LRRC4C: variants seen among roughly 807,000 people sequenced by gnomAD.
LRRC4C encodes the protein leucine rich repeat containing 4C.
LRRC4C carries 5 observed loss-of-function variants against 33.6 expected under a neutral mutation model. The observed-to-expected ratio is 0.15, with a 90% CI of 0.08 to 0.31. The LOEUF is 0.31. Ranked by LOEUF, LRRC4C falls within the 10% of genes least tolerant of loss-of-function variation. The probability of loss-of-function intolerance (pLI) is 1.00; values close to 1 mark genes in which losing one functional copy is unlikely to be tolerated. For synonymous variants in LRRC4C, 329 were observed against 302.0 expected, an observed-to-expected ratio of 1.09 and a Z score of -0.93; for missense variants, 560 against 796.7, an observed-to-expected ratio of 0.70 and a Z score of 3.58.
chr11:40,316,013 C>G (rs1945554889), intron 4 of LRRC4C, among the ~76,000 whole-genome samples: 3 of 151,956 alleles, frequency 2.0e-5, no homozygotes, highest in African/African-American at 7.3e-5. Context: ...GTTCTATTAG[C>G]AAGATCTCTA....
At chr11:40,717,635 A>C (rs1166437862) in intron 2 of LRRC4C, among the ~76,000 whole-genome samples, 1 of 152,090 alleles carries the variant, frequency 6.6e-6, no homozygotes, top group Non-Finnish European at 1.5e-5. Context: ...GGTACCAGTC[A>C]CTGCGCTGTA....
At chr11:40,759,358 G>C (rs1949090543) in intron 2 of LRRC4C, among the ~76,000 whole-genome samples, 2 of 150,494 alleles carry the variant, frequency 1.3e-5, no homozygotes, top group Non-Finnish European at 3.0e-5. Flanking sequence ...TTTTACCTCA[G>C]TGATAATTTA....
At chr11:40,829,419 A>G (rs1952309957) in intron 2 of LRRC4C, among the ~76,000 whole-genome samples, 1 of 151,962 alleles carries the variant, frequency 6.6e-6, no homozygotes. Context: ...GCAGAGCAAC[A>G]TATGGTTACA....
At chr11:41,456,549 A>T (rs890194989) in intron 1 of LRRC4C, among the ~76,000 whole-genome samples, 4 of 152,144 alleles carry the variant, frequency 2.6e-5, no homozygotes, top group Middle Eastern at 3.2e-3. Context: ...GAAAGGCCTG[A>T]CAAATGGAGA....
intron 1 of LRRC4C, among the ~76,000 whole-genome samples, chr11:41,208,877 CT>C (rs1339988259): frequency 6.6e-6 from 1 of 152,126 alleles, no homozygotes; most frequent in East Asian, 1.9e-4. Context: ...GCTCAGGGTC[CT>C]GGGGGTAGGG....
intron 1 of LRRC4C, among the ~76,000 whole-genome samples, chr11:41,254,060 T>C (rs921199501): frequency 6.6e-6 from 1 of 152,050 alleles, no homozygotes; most frequent in African/African-American, 2.4e-5. Context: ...ATATACGACC[T>C]AGTAAGATAT....
intron 2 of LRRC4C, among the ~76,000 whole-genome samples, chr11:40,724,795 TAACAA>T (rs903192262): frequency 6.6e-6 from 1 of 152,092 alleles, no homozygotes; most frequent in Admixed American, 6.5e-5. Flanking sequence ...TGCAAAGAAC[TAACAA>T]AACAAAAGTT....
chr11:41,174,498 A>G (rs1475894947), intron 1 of LRRC4C, among the ~76,000 whole-genome samples: 1 of 152,084 alleles, frequency 6.6e-6, no homozygotes, highest in Admixed American at 6.5e-5. Context: ...AATATAAGTC[A>G]TATTTTGGAC....
At chr11:40,369,414 G>A (rs749577459) in intron 3 of LRRC4C, among the ~76,000 whole-genome samples, 35 of 152,074 alleles carry the variant, frequency 2.3e-4, no homozygotes, top group African/African-American at 3.4e-4. Flanking sequence ...GCGCGATCTC[G>A]GAATCACCGC....
intron 5 of LRRC4C, among the ~76,000 whole-genome samples, chr11:40,220,299 C>T (rs898958516): frequency 6.6e-5 from 10 of 152,242 alleles, no homozygotes; most frequent in African/African-American, 1.9e-4. Flanking sequence ...TGTTAACTGT[C>T]ATGAAAGTTT....
intron 2 of LRRC4C, among the ~76,000 whole-genome samples, chr11:40,715,130 G>A (rs917945912): frequency 6.6e-6 from 1 of 152,082 alleles, no homozygotes; most frequent in Admixed American, 6.6e-5. Context: ...ATATCAAAAT[G>A]TAGTGAAAAG....
At chr11:40,642,433 C>T (rs1942182060) in intron 3 of LRRC4C, among the ~76,000 whole-genome samples, 1 of 152,108 alleles carries the variant, frequency 6.6e-6, no homozygotes, top group Non-Finnish European at 1.5e-5. Context: ...ATCTCTCTCC[C>T]TCTGTTAACT....
At chr11:40,501,019 C>G (rs1460645893) in intron 3 of LRRC4C, among the ~76,000 whole-genome samples, 3 of 152,236 alleles carry the variant, frequency 2.0e-5, no homozygotes, top group African/African-American at 7.2e-5. Context: ...GACAAATTGG[C>G]CAAAATACAG....
chr11:40,640,938 C>T (rs1174545807), intron 3 of LRRC4C, among the ~76,000 whole-genome samples: 1 of 145,152 alleles, frequency 6.9e-6, no homozygotes, highest in Admixed American at 7.2e-5. Flanking sequence ...ATGGCGTGAA[C>T]CTGGGAGGCG....
intron 1 of LRRC4C, among the ~76,000 whole-genome samples, chr11:41,169,433 A>T (rs540711647): frequency 5.3e-5 from 8 of 151,880 alleles, no homozygotes; most frequent in Non-Finnish European, 8.8e-5. Context: ...TGCCCCAATC[A>T]CTCTTCTAGA....
At chr11:40,983,179 G>T (rs1592254760) in intron 1 of LRRC4C, among the ~76,000 whole-genome samples, 1 of 152,118 alleles carries the variant, frequency 6.6e-6, no homozygotes, top group South Asian at 2.1e-4. Flanking sequence ...TATTCCTTTG[G>T]GTATATACCC....
chr11:40,979,997 A>G (rs1359924801), intron 1 of LRRC4C, among the ~76,000 whole-genome samples: 11 of 152,226 alleles, frequency 7.2e-5, no homozygotes, highest in Admixed American at 7.2e-4. Context: ...TTTAGGTGGC[A>G]TTTAAATATC....
chr11:40,986,946 C>T (rs1853059116), intron 1 of LRRC4C, among the ~76,000 whole-genome samples: 1 of 152,188 alleles, frequency 6.6e-6, no homozygotes, highest in Non-Finnish European at 1.5e-5. Flanking sequence ...CAATGACTAC[C>T]TTCTTCAGTT....
intron 2 of LRRC4C, among the ~76,000 whole-genome samples, chr11:40,809,538 A>C (rs573502523): frequency 6.6e-6 from 1 of 152,116 alleles, no homozygotes; most frequent in East Asian, 1.9e-4. Flanking sequence ...TTTTCTATAG[A>C]ACTTTTTGCT....
Sources: gnomAD v4.1 joint callset for allele counts (sites outside exome capture counted in the v4.1 genomes callset) on GRCh38, gnomAD v4.1.1 for gene constraint, MANE v1.5 for transcripts, NCBI Gene and HGNC (gene_info 2026-07-23, HGNC 2026-07-21) for gene names.